THTPA: variants seen among roughly 807,000 people sequenced by gnomAD.
The protein encoded by THTPA is thiamine-triphosphatase.
A neutral mutation model predicts 16.5 loss-of-function variants in THTPA; 16 were observed. The observed-to-expected ratio is 0.97, with a 90% confidence interval of 0.66 to 1.47. The LOEUF (loss-of-function observed/expected upper bound fraction) is 1.47, where lower values mean the gene tolerates loss of function less well. THTPA is among the 40% of genes most tolerant of loss of function. The pLI is 0.00. For synonymous variants in THTPA, 110 were observed against 115.5 expected (o/e 0.95, Z 0.30); for missense variants, 281 against 280.9 (o/e 1.00, Z 0.00).
At chr14:23,527,925 T>C in the THTPA span, 5 of 749,392 alleles carry the variant, frequency 6.7e-6, no homozygotes, top group South Asian at 7.5e-5. Context: ...TTTTTTTTTT[T>C]AGATGGAGTC....
rs1200659128 is a variant in THTPA at position 23,556,793 on chromosome 14, C to G, written c.36C>G (p.Phe12Leu). ...GCTTGATTGAGGTGGAGCGAAAGTT[C>G]CTTCCAGGGCCTGGCACAGAGGAGC... The part of the protein sequence containing the change: ...AQGLIEVERK[F>L]LPGPGTEERL... The change falls in exon 1 of 2, where the codon TTC becomes TTG. Residue 12 changes from phenylalanine to leucine, a missense_variant. Coordinates refer to ENST00000288014, the MANE Select transcript of THTPA (RefSeq NM_024328.6). 1 of 1,613,566 alleles carries G rather than the reference C, an allele frequency of 6.2e-7. No homozygotes were observed. The highest frequency in any genetic ancestry group is 2.2e-5 in the East Asian group (1 of 44,868).
chr14:23,559,460 T>G lies in THTPA; in HGVS notation c.*620T>G. The stretch of plus-strand genomic sequence containing the variant: ...CAGCTGCCCCCTCCCCGCCCCCGTG[T>G]TGAGACAGGTTCTCAAGGCTCAGGG... On this transcript the variant is annotated 3_prime_UTR_variant, in exon 2 of 2. Transcript: ENST00000288014. The G allele has an allele frequency of 2.5e-6, 1 of 393,554 alleles. No homozygotes were observed. Among genetic ancestry groups the G allele is most frequent in the Non-Finnish European group, 4.8e-6 (1 of 208,950 alleles). The allele number at this position is 393,554 out of a possible 1,614,324, so 24.4% of individuals were successfully genotyped here. A position where few individuals can be genotyped will look rare whatever the true frequency, so the allele number is the denominator to read the frequency against.
the THTPA span, chr14:23,530,405 G>C: frequency 4.4e-6 from 3 of 680,178 alleles, no homozygotes; most frequent in Non-Finnish European, 2.6e-6. Flanking sequence ...TAGGGCCTAA[G>C]AGATCATTTT....
chr14:23,532,509 C>A, the THTPA span: 1 of 1,411,774 alleles, frequency 7.1e-7, no homozygotes, highest in South Asian at 1.6e-5. Context: ...TCTGCATCTC[C>A]TCCCTCTGTC....
chr14:23,527,639 C>T, the THTPA span: 23 of 1,536,538 alleles, frequency 1.5e-5, no homozygotes, highest in South Asian at 1.5e-4. Flanking sequence ...TCGGGCACCA[C>T]GTTGTGAAGG....
the THTPA span, among the ~76,000 whole-genome samples, chr14:23,529,130 A>G: frequency 6.6e-6 from 1 of 152,244 alleles, no homozygotes; most frequent in Non-Finnish European, 1.5e-5. Context: ...ACAGGATGGC[A>G]TCTCAAACCA....
At chr14:23,530,675 G>C in the THTPA span, 1 of 344,002 alleles carries the variant, frequency 2.9e-6, no homozygotes, top group East Asian at 8.0e-5. Context: ...TTCGGTGGCA[G>C]CCTAATTAAA....
the THTPA span, among the ~76,000 whole-genome samples, chr14:23,512,293 A>T: frequency 6.6e-6 from 1 of 152,030 alleles, no homozygotes; most frequent in Non-Finnish European, 1.5e-5. Flanking sequence ...ACCGCCATGG[A>T]TGCAAACACA....
the THTPA span, chr14:23,524,379 G>A: frequency 3.4e-4 from 517 of 1,536,208 alleles, no homozygotes; most frequent in Non-Finnish European, 4.3e-4. The surrounding 1 kb of genome is among the most constrained non-coding windows in gnomAD (Gnocchi z 5.6). Context: ...TTGTCCCTGG[G>A]GGGCTCGCCC....
chr14:23,551,885 G>A (rs1881990313), upstream of THTPA, among the ~76,000 whole-genome samples: 1 of 152,272 alleles, frequency 6.6e-6, no homozygotes, highest in East Asian at 1.9e-4. The surrounding 1 kb of genome is among the most constrained non-coding windows in gnomAD (Gnocchi z 5.3). Context: ...GGGACCCAGG[G>A]CCGGGGGCAG....
rs1158285038 is a variant in THTPA, at chr14:23,556,302, T to TC, written c.-451dup. The TC allele has an allele frequency of 1.3e-5, 2 of 159,640 alleles. No homozygotes were observed. The highest frequency in any genetic ancestry group is 4.8e-5 in the African/African-American group (2 of 41,544). 9.9% of individuals were successfully genotyped at this position (159,640 alleles called of 1,614,324 possible). On this transcript the variant is annotated 5_prime_UTR_variant, in exon 1 of 2. The change abolishes the stop of an existing upstream ORF in the 5' untranslated region. Coordinates refer to ENST00000288014, the MANE Select transcript of THTPA (RefSeq NM_024328.6). ...CGCGAGTGTATGGCGTGGGCTCCCT[T>TC]CCCCCTCTGTGGGTCCCGCGAGGAG...
the THTPA span, among the ~76,000 whole-genome samples, chr14:23,517,878 A>G: frequency 3.3e-5 from 5 of 152,112 alleles, no homozygotes; most frequent in Admixed American, 6.5e-5. Flanking sequence ...CACACTCCTT[A>G]GCAGATCCTC....
the THTPA span, chr14:23,534,013 G>A: frequency 6.5e-7 from 1 of 1,537,108 alleles, no homozygotes; most frequent in Non-Finnish European, 8.7e-7. The surrounding 1 kb of genome is among the most constrained non-coding windows in gnomAD (Gnocchi z 4.5). Context: ...CATGTGGCTG[G>A]ACAGGCTGAG....
chr14:23,529,688 TC>T, the THTPA span: 1 of 1,535,402 alleles, frequency 6.5e-7, no homozygotes, highest in Non-Finnish European at 8.7e-7. Flanking sequence ...CTTCAGCTCT[TC>T]CCAGTTACCC....
At chr14:23,536,520 C>A in the THTPA span, among the ~76,000 whole-genome samples, 56 of 152,272 alleles carry the variant, frequency 3.7e-4, no homozygotes, top group South Asian at 0.011. Flanking sequence ...CTCTTCCTCC[C>A]AAAAGAGGTA....
the THTPA span, chr14:23,529,554 A>C: frequency 1.3e-6 from 1 of 750,768 alleles, no homozygotes; most frequent in Non-Finnish European, 2.2e-6. Context: ...AAAGTGCTGA[A>C]CATGTGGAAC....
chr14:23,535,445 A>C, the THTPA span: 1 of 1,301,946 alleles, frequency 7.7e-7, no homozygotes, highest in Non-Finnish European at 1.0e-6. This position sits in a 1 kb window ranked among gnomAD's most constrained non-coding sequence, Gnocchi z 4.5. Flanking sequence ...GGATCTCTGG[A>C]TACTCCTGCC....
At chr14:23,527,017 T>G in the THTPA span, 2 of 1,462,484 alleles carry the variant, frequency 1.4e-6, no homozygotes, top group Non-Finnish European at 1.8e-6. Flanking sequence ...CACCCCCCAC[T>G]GCCCCTATGC....
the THTPA span, chr14:23,522,502 A>C: frequency 1.3e-6 from 2 of 1,533,428 alleles, no homozygotes; most frequent in Non-Finnish European, 1.7e-6. Context: ...GGAGCAGCCC[A>C]ATGAGGGTCT....
Sources: gnomAD v4.1 joint callset for allele counts (sites outside exome capture counted in the v4.1 genomes callset) on GRCh38, gnomAD v4.1.1 for gene constraint, Gnocchi (gnomAD v3.1) non-coding constraint, MANE v1.5 for transcripts, NCBI Gene and HGNC (gene_info 2026-07-23, HGNC 2026-07-21) for gene names.